Variants in POU2F1 observed in about 807,000 individuals in gnomAD.
POU2F1 encodes POU domain, class 2, transcription factor 1.
A neutral mutation model predicts 84.9 loss-of-function variants in POU2F1; 16 were observed. That is an observed-to-expected ratio of 0.19 (90% confidence interval 0.13 to 0.29). The LOEUF is 0.29. POU2F1 is among the 10% of genes least tolerant of loss of function. The probability of loss-of-function intolerance (pLI) is 1.00; values close to 1 mark genes in which losing one functional copy is unlikely to be tolerated. For missense variants in POU2F1, 738 were observed against 942.6 expected (o/e 0.78, Z 2.84); for synonymous variants, 368 against 368.3 (o/e 1.00, Z 0.01).
intron 2 of POU2F1, among the ~76,000 whole-genome samples, chr1:167,340,474 C>A (rs1657772607): frequency 6.8e-6 from 1 of 147,666 alleles, no homozygotes; most frequent in Admixed American, 6.7e-5. Context: ...CTCTGTTGCC[C>A]AGGCTGGAGT....
intron 8 of POU2F1, among the ~76,000 whole-genome samples, chr1:167,388,085 T>G (rs969230706): frequency 6.6e-6 from 1 of 152,204 alleles, no homozygotes; most frequent in Non-Finnish European, 1.5e-5. Context: ...AGCATTTGCA[T>G]TAATATGACA....
chr1:167,396,199 G>A (rs970528122), intron 9 of POU2F1, 87 bp from the exon 10 acceptor site: 4 of 1,475,568 alleles, frequency 2.7e-6, no homozygotes, highest in Non-Finnish European at 3.7e-6. Flanking sequence ...GCAGTTATTG[G>A]AGCAACACCC....
rs558788365 is a variant in POU2F1 at position 167,240,123 on chromosome 1, G to A, written c.61+19165G>A. 6.0e-4 allele frequency among the ~76,000 whole-genome samples: 92 copies of A among 152,154 alleles called. No individual in the cohort carries two copies. In the Middle Eastern group the frequency reaches 0.014, roughly 23 times the overall value. ...AATTAACATAATATATGGTAGAAAA[G>A]TATTAGCCTGTATGGAACATAGAGG... On this transcript the variant is annotated intron_variant, in intron 1 of 15. Transcript: ENST00000367866.
intron 2 of POU2F1, among the ~76,000 whole-genome samples, chr1:167,360,226 A>G (rs117595623): frequency 0.015 from 2,223 of 151,650 alleles, 64 homozygotes; most frequent in East Asian, 0.15. Flanking sequence ...GTCTGTTTTT[A>G]TTTTTGTTGC....
chr1:167,387,808 G>A (rs1157818669), intron 8 of POU2F1, among the ~76,000 whole-genome samples: 2 of 152,120 alleles, frequency 1.3e-5, no homozygotes, highest in Non-Finnish European at 2.9e-5. Flanking sequence ...TTAAGTTTGT[G>A]TGATAAGAAA....
At chr1:167,263,514 A>T (rs1467710552) in intron 1 of POU2F1, among the ~76,000 whole-genome samples, 1 of 150,836 alleles carries the variant, frequency 6.6e-6, no homozygotes, top group Admixed American at 6.6e-5. Flanking sequence ...CGAAACTCCG[A>T]CTCAAAAAAA....
intron 15 of POU2F1, among the ~76,000 whole-genome samples, chr1:167,415,030 G>C (rs1306171329): frequency 1.3e-5 from 2 of 152,194 alleles, no homozygotes; most frequent in Non-Finnish European, 1.5e-5. Context: ...TGCCGCCACT[G>C]ATCTAACAGG....
intron 1 of POU2F1, among the ~76,000 whole-genome samples, chr1:167,293,621 A>T (rs1654080490): frequency 6.6e-6 from 1 of 152,180 alleles, no homozygotes; most frequent in Admixed American, 6.5e-5. Flanking sequence ...ATTCATATGG[A>T]ACCAAAAAAG....
intron 1 of POU2F1, among the ~76,000 whole-genome samples, chr1:167,282,094 C>T (rs1379044143): frequency 2.0e-5 from 3 of 151,996 alleles, no homozygotes; most frequent in Non-Finnish European, 2.9e-5. Flanking sequence ...TACTTACTCC[C>T]TCAAATCTAT....
chr1:167,225,650 T>C (rs1301485536), intron 1 of POU2F1, among the ~76,000 whole-genome samples: 3 of 152,246 alleles, frequency 2.0e-5, no homozygotes, highest in African/African-American at 7.2e-5. Context: ...AATGTTATCT[T>C]TAAGTATTTT....
At chr1:167,272,945 C>T (rs767596868) in intron 1 of POU2F1, among the ~76,000 whole-genome samples, 2 of 152,142 alleles carry the variant, frequency 1.3e-5, no homozygotes, top group Non-Finnish European at 2.9e-5. Flanking sequence ...CAAGTCTCTT[C>T]CACTTATGAG....
At chr1:167,404,078 A>G (rs753128208) in intron 13 of POU2F1, among the ~76,000 whole-genome samples, 72 of 152,180 alleles carry the variant, frequency 4.7e-4, no homozygotes, top group Non-Finnish European at 8.5e-4. Context: ...AAATTTCACT[A>G]CAAGGTTTCA....
intron 1 of POU2F1, among the ~76,000 whole-genome samples, chr1:167,331,793 A>T (rs958144681): frequency 2.0e-5 from 3 of 152,044 alleles, no homozygotes; most frequent in African/African-American, 7.2e-5. Flanking sequence ...TTGAGGTAGT[A>T]TTACTTTAAG....
intron 1 of POU2F1, among the ~76,000 whole-genome samples, chr1:167,254,063 A>C (rs1053574311): frequency 1.6e-4 from 24 of 152,282 alleles, no homozygotes; most frequent in African/African-American, 5.8e-4. Context: ...CTCCTGTATT[A>C]TATGGTGAAT....
intron 1 of POU2F1, among the ~76,000 whole-genome samples, chr1:167,294,172 C>CAAAAAAAAAAAAA (rs60846607): frequency 6.5e-5 from 2 of 30,952 alleles, no homozygotes; most frequent in Non-Finnish European, 9.0e-5. Flanking sequence ...TACTAAAATA[C>CAAAAAAAAAAAAA]AAAAAAAAAA....
intron 6 of POU2F1, among the ~76,000 whole-genome samples, chr1:167,374,551 A>C (rs1660204384): frequency 6.6e-6 from 1 of 152,214 alleles, no homozygotes; most frequent in South Asian, 2.1e-4. Context: ...ATTCTTGAAT[A>C]ATTAGCTGGC....
intron 8 of POU2F1, among the ~76,000 whole-genome samples, chr1:167,388,694 C>T (rs2101890889): frequency 6.6e-6 from 1 of 152,298 alleles, no homozygotes; most frequent in Non-Finnish European, 1.5e-5. Context: ...ATCCAGACAA[C>T]TATTTAAACC....
At chr1:167,329,094 G>T (rs1250284083) in intron 1 of POU2F1, 5 of 1,301,160 alleles carry the variant, frequency 3.8e-6, no homozygotes, top group Non-Finnish European at 4.9e-6. Context: ...GATTGCTATG[G>T]TGTAACAGAA....
At chr1:167,280,418 G>A (rs1653052466) in intron 1 of POU2F1, among the ~76,000 whole-genome samples, 1 of 150,674 alleles carries the variant, frequency 6.6e-6, no homozygotes, top group Non-Finnish European at 1.5e-5. Flanking sequence ...TGGAGAATGT[G>A]GAAAAATAAC....
Sources: allele counts gnomAD v4.1 joint callset (sites outside exome capture counted in the v4.1 genomes callset), GRCh38; gene constraint gnomAD v4.1.1; transcripts MANE v1.5; gene names NCBI Gene and HGNC (gene_info 2026-07-23, HGNC 2026-07-21).